NDUFAF6: variants seen among roughly 807,000 people sequenced by gnomAD.
NDUFAF6 encodes the protein NADH:ubiquinone oxidoreductase complex assembly factor 6, also known as NADH dehydrogenase (ubiquinone) complex I, assembly factor 6.
Under a neutral mutation model 40.8 loss-of-function variants are expected in NDUFAF6, and 45 were observed. That is an observed-to-expected ratio of 1.10 (90% CI 0.87 to 1.42). The LOEUF (loss-of-function observed/expected upper bound fraction) is 1.42. Ranked by LOEUF, NDUFAF6 falls within the 40% of genes most tolerant of loss-of-function variation. The probability of loss-of-function intolerance (pLI) is 0.00; values close to 1 mark genes in which losing one functional copy is unlikely to be tolerated. For synonymous variants in NDUFAF6, 185 were observed against 155.9 expected (o/e 1.19, Z -1.39); for missense variants, 435 against 418.5 (o/e 1.04, Z -0.34).
intron 1 of NDUFAF6, among the ~76,000 whole-genome samples, chr8:94,938,854 CCAGTTTACAGCTGGTTGGT>C (rs1235181088): frequency 1.5e-4 from 23 of 152,220 alleles, no homozygotes; most frequent in African/African-American, 5.5e-4. Context: ...CGTGGGAACA[CCAGTTTACAGCTGGTTGGT>C]CAGAAGCATA....
chr8:95,032,138 T>C (rs754964984), intron 2 of NDUFAF6, 44 bp downstream of exon 2: 9 of 1,494,220 alleles, frequency 6.0e-6, no homozygotes, highest in Non-Finnish European at 8.4e-6. Flanking sequence ...GAAATGGTGA[T>C]ATAAGGTGTT....
intron 2 of NDUFAF6, among the ~76,000 whole-genome samples, chr8:94,981,893 A>G (rs555801094): frequency 6.0e-5 from 9 of 150,638 alleles, no homozygotes; most frequent in African/African-American, 2.0e-4. Flanking sequence ...GTGCCACTGC[A>G]CTCCAATCTA....
At chr8:95,051,257 T>G (rs568717946) in intron 7 of NDUFAF6, among the ~76,000 whole-genome samples, 1 of 152,016 alleles carries the variant, frequency 6.6e-6, no homozygotes, top group South Asian at 2.1e-4. Flanking sequence ...GGCCATTTAT[T>G]AGGAGGAAAG....
intron 9 of NDUFAF6, among the ~76,000 whole-genome samples, chr8:95,074,224 A>G (rs1832963957): frequency 6.6e-6 from 1 of 150,788 alleles, no homozygotes; most frequent in Admixed American, 6.6e-5. Flanking sequence ...AAGAAGGAGA[A>G]AAAAAAATGG....
chr8:95,004,349 CTTTTTTTT>C (rs11422482), intron 2 of NDUFAF6, among the ~76,000 whole-genome samples: 3 of 92,436 alleles, frequency 3.2e-5, no homozygotes, highest in Non-Finnish European at 1.9e-5. Flanking sequence ...CTCACCATTA[CTTTTTTTT>C]TTTTTTTTTT....
intron 1 of NDUFAF6, among the ~76,000 whole-genome samples, chr8:94,897,899 C>G (rs1817754830): frequency 6.6e-6 from 1 of 152,080 alleles, no homozygotes; most frequent in South Asian, 2.1e-4. Context: ...TATAGTAGGA[C>G]TTGGGTAAAT....
At chr8:94,921,898 G>A (rs913644594) in intron 1 of NDUFAF6, among the ~76,000 whole-genome samples, 2 of 152,252 alleles carry the variant, frequency 1.3e-5, no homozygotes, top group African/African-American at 4.8e-5. Flanking sequence ...GAATAGTAGT[G>A]GCAGCATGAC....
At chr8:95,098,623 T>TCGC (rs1363718381), upstream of NDUFAF6, among the ~76,000 whole-genome samples, 3 of 152,220 alleles carry the variant, frequency 2.0e-5, no homozygotes, top group Non-Finnish European at 4.4e-5. Context: ...TGAGCCGAGA[T>TCGC]CGCACCACTG....
intron 2 of NDUFAF6, among the ~76,000 whole-genome samples, chr8:95,084,916 GA>G (rs1247023525): frequency 6.6e-6 from 1 of 152,172 alleles, no homozygotes; most frequent in Non-Finnish European, 1.5e-5. Context: ...ATAGCATATG[GA>G]CAGAGTCAGA....
At chr8:94,961,508 G>A (rs984973266) in intron 1 of NDUFAF6, among the ~76,000 whole-genome samples, 24 of 152,130 alleles carry the variant, frequency 1.6e-4, no homozygotes, top group African/African-American at 5.6e-4. Flanking sequence ...TGCAACCTCC[G>A]CCTCCCGGGC....
intron 2 of NDUFAF6, among the ~76,000 whole-genome samples, chr8:95,081,290 A>G (rs1808859767): frequency 6.6e-6 from 1 of 150,710 alleles, no homozygotes; most frequent in Non-Finnish European, 1.5e-5. Flanking sequence ...TCAGCCTCTC[A>G]GCCTCTGGAG....
intron 2 of NDUFAF6, among the ~76,000 whole-genome samples, chr8:95,084,704 G>T (rs746540644): frequency 6.6e-6 from 1 of 152,214 alleles, no homozygotes; most frequent in Non-Finnish European, 1.5e-5. Context: ...GATGGCAAAT[G>T]CTAAATAAGA....
intron 2 of NDUFAF6, among the ~76,000 whole-genome samples, chr8:95,005,554 A>ATATATATATATATATATGT (rs1554657858): frequency 1.7e-5 from 2 of 115,354 alleles, no homozygotes; most frequent in African/African-American, 7.5e-5. Context: ...TATATATATA[A>ATATATATATATATATATGT]AAAATATATT....
In NDUFAF6 at chr8:94,996,068, C is replaced by T. The variant is rs567064228; in HGVS notation, c.-84+15095C>T. Among the ~76,000 whole-genome samples, 14 of 152,280 alleles carry T rather than the reference C, an allele frequency of 9.2e-5. No homozygotes were observed. In the South Asian group the frequency reaches 1.7e-3, roughly 18 times the overall value. ...GCTCACAGGCGTGAGCCACTGCACCCGGCTGCTTACTCCCTTCAAGCTGTT... is the reference window on the plus strand; with the variant it reads ...GCTCACAGGCGTGAGCCACTGCACCTGGCTGCTTACTCCCTTCAAGCTGTT... On this transcript the variant is annotated intron_variant, in intron 2 of 9. Coordinates refer to the NDUFAF6 transcript ENST00000396111.
chr8:95,093,488 C>A (rs1809336078), intron 2 of NDUFAF6, among the ~76,000 whole-genome samples: 1 of 152,190 alleles, frequency 6.6e-6, no homozygotes, highest in Admixed American at 6.5e-5. Flanking sequence ...ACACTGGACA[C>A]CATAACTCAT....
intron 2 of NDUFAF6, among the ~76,000 whole-genome samples, chr8:95,085,221 A>G (rs988005782): frequency 1.3e-5 from 2 of 152,190 alleles, no homozygotes; most frequent in African/African-American, 2.4e-5. Context: ...CCCTTTTTGG[A>G]AAAAGAAGTC....
upstream of NDUFAF6, among the ~76,000 whole-genome samples, chr8:94,955,005 G>GA (rs947652157): frequency 3.3e-5 from 5 of 152,300 alleles, no homozygotes; most frequent in African/African-American, 7.2e-5. Context: ...GGTAAGGAAG[G>GA]AAAGAACAGA....
intron 2 of NDUFAF6, among the ~76,000 whole-genome samples, chr8:94,981,426 G>A (rs1046758214): frequency 1.8e-4 from 28 of 152,108 alleles, no homozygotes; most frequent in African/African-American, 6.0e-4. Context: ...AACAGAAAAC[G>A]GATTAAGACA....
At chr8:95,044,510 T>A (rs1167870445) in intron 4 of NDUFAF6, 1 of 136,000 alleles carries the variant, frequency 7.4e-6, no homozygotes, top group African/African-American at 2.7e-5. Flanking sequence ...TGGAGTACAA[T>A]GGCACGACCT....
Sources: gnomAD v4.1 joint callset for allele counts (sites outside exome capture counted in the v4.1 genomes callset) on GRCh38, gnomAD v4.1.1 for gene constraint, MANE v1.5 for transcripts, NCBI Gene and HGNC (gene_info 2026-07-23, HGNC 2026-07-21) for gene names.